GPATCH2: variants seen among roughly 807,000 people sequenced by gnomAD.
GPATCH2 encodes G-patch domain containing 2, also known as G patch domain-containing protein 2.
Under a neutral mutation model 58.0 loss-of-function variants are expected in GPATCH2, and 51 were observed. The ratio of observed to expected loss-of-function variants is 0.88; its 90% CI spans 0.70 to 1.11. The LOEUF (loss-of-function observed/expected upper bound fraction) is 1.11. GPATCH2 is among the 50% of genes most tolerant of loss of function. The probability of loss-of-function intolerance (pLI) is 0.00; values close to 1 mark genes in which losing one functional copy is unlikely to be tolerated. For missense variants in GPATCH2, 625 were observed against 652.2 expected (o/e 0.96, Z 0.45); for synonymous variants, 222 against 218.5 (o/e 1.02, Z -0.14).
At chr1:217,614,408 A>T (rs1359803289) in intron 2 of GPATCH2, among the ~76,000 whole-genome samples, 1 of 152,084 alleles carries the variant, frequency 6.6e-6, no homozygotes, top group Admixed American at 6.6e-5. Flanking sequence ...ATAAAACCAC[A>T]GGAATCTAAT....
chr1:217,428,806 A>G lies in GPATCH2; in HGVS notation c.*2339T>C, dbSNP rs1323794174. 1.3e-5 allele frequency: 2 copies of G among 152,234 alleles called. No homozygotes were observed. The highest frequency in any genetic ancestry group is 4.8e-5 in the African/African-American group (2 of 41,450). 9.4% of individuals were successfully genotyped at this position (152,234 alleles called of 1,614,324 possible). ...GTTAGAGAAGCTAAGTTAACATCCC[A>G]CAGAAGTTGCTTCAGAAGATTTGTA... On this transcript the variant is annotated 3_prime_UTR_variant, in exon 10 of 10. Coordinates refer to ENST00000366935, the MANE Select transcript of GPATCH2 (RefSeq NM_018040.5).
At chr1:217,494,030 T>G (rs972267250) in intron 7 of GPATCH2, among the ~76,000 whole-genome samples, 59 of 152,300 alleles carry the variant, frequency 3.9e-4, no homozygotes, top group Non-Finnish European at 7.1e-4. Flanking sequence ...AACATTAGGT[T>G]GTATCTACTA....
At chr1:217,548,267 G>A (rs931884247) in intron 5 of GPATCH2, among the ~76,000 whole-genome samples, 2 of 152,056 alleles carry the variant, frequency 1.3e-5, no homozygotes, top group South Asian at 2.1e-4. Flanking sequence ...TGGAGGTTGT[G>A]GTGGGGGAAG....
intron 5 of GPATCH2, among the ~76,000 whole-genome samples, chr1:217,532,938 ACCCAGGCTGGAG>A (rs1664275170): frequency 3.1e-5 from 4 of 128,486 alleles, no homozygotes; most frequent in African/African-American, 6.2e-5. Context: ...TCCCTCTGGC[ACCCAGGCTGGAG>A]TGCAGTGGTG....
chr1:217,595,736 G>A (rs958602850), intron 5 of GPATCH2, among the ~76,000 whole-genome samples: 2 of 152,098 alleles, frequency 1.3e-5, no homozygotes, highest in African/African-American at 2.4e-5. Context: ...CTGACTTCAA[G>A]TGTTCCACGC....
chr1:217,521,980 A>G (rs1301777499), intron 5 of GPATCH2, among the ~76,000 whole-genome samples: 3 of 152,194 alleles, frequency 2.0e-5, no homozygotes, highest in South Asian at 2.1e-4. Flanking sequence ...CGATCTCACT[A>G]TATTTTTAAG....
At chr1:217,462,627 T>C (rs571425329) in intron 8 of GPATCH2, among the ~76,000 whole-genome samples, 4 of 152,338 alleles carry the variant, frequency 2.6e-5, no homozygotes, top group African/African-American at 9.6e-5. Context: ...CCTCATAGGG[T>C]AATACTGGAA....
In GPATCH2 at chr1:217,543,945, G is replaced by T. The variant is rs548194693; in HGVS notation, c.1099-29056C>A. Among the ~76,000 whole-genome samples, 4 of 152,180 alleles carry T rather than the reference G, an allele frequency of 2.6e-5. No homozygotes were observed. The South Asian group carries it at 8.3e-4, about 32-fold the overall frequency. On this transcript the variant is annotated intron_variant, in intron 5 of 9. Coordinates refer to ENST00000366935, the MANE Select transcript of GPATCH2 (RefSeq NM_018040.5). Reference sequence around the variant, plus strand: ...GGCTCGCTTGGCTAACAGTTGTATTGCTTCTGTAATGTGAATGGACTAGAA... The same window carrying T: ...GGCTCGCTTGGCTAACAGTTGTATTTCTTCTGTAATGTGAATGGACTAGAA...
intron 8 of GPATCH2, among the ~76,000 whole-genome samples, chr1:217,487,220 A>C (rs1661494842): frequency 6.6e-6 from 1 of 152,092 alleles, no homozygotes; most frequent in Non-Finnish European, 1.5e-5. Flanking sequence ...TTCTCTTTCT[A>C]AATTTCTGCT....
intron 5 of GPATCH2, among the ~76,000 whole-genome samples, chr1:217,584,219 C>T (rs1667213344): frequency 6.6e-6 from 1 of 151,030 alleles, no homozygotes; most frequent in South Asian, 2.1e-4. Flanking sequence ...TGTTCGAGGC[C>T]TCCCGCGGTG....
chr1:217,481,860 C>T (rs1254518057), intron 8 of GPATCH2, among the ~76,000 whole-genome samples: 1 of 151,912 alleles, frequency 6.6e-6, no homozygotes, highest in African/African-American at 2.4e-5. Context: ...GACCCTGCCT[C>T]AAAAAGCCCA....
At chr1:217,500,545 G>C (rs1360101675) in intron 6 of GPATCH2, among the ~76,000 whole-genome samples, 1 of 151,882 alleles carries the variant, frequency 6.6e-6, no homozygotes, top group African/African-American at 2.4e-5. Flanking sequence ...CCGCTTGTTT[G>C]TTTTCTTCTT....
chr1:217,461,023 T>C (rs1306457409), intron 8 of GPATCH2, among the ~76,000 whole-genome samples: 3 of 152,188 alleles, frequency 2.0e-5, no homozygotes, highest in African/African-American at 7.2e-5. Flanking sequence ...AGTAATATGG[T>C]AATGATAATG....
chr1:217,468,121 T>C (rs1195662480), intron 8 of GPATCH2, among the ~76,000 whole-genome samples: 1 of 152,238 alleles, frequency 6.6e-6, no homozygotes, highest in Non-Finnish European at 1.5e-5. Flanking sequence ...ACATGATCTG[T>C]ACCTTAAAGT....
At chr1:217,571,021 A>G (rs1323087044) in intron 5 of GPATCH2, among the ~76,000 whole-genome samples, 1 of 152,208 alleles carries the variant, frequency 6.6e-6, no homozygotes, top group African/African-American at 2.4e-5. Context: ...ATGGCAGCCT[A>G]CCAGGTGCTA....
At chr1:217,478,336 CAGACAGA>C (rs1661058031) in intron 8 of GPATCH2, among the ~76,000 whole-genome samples, 1 of 151,992 alleles carries the variant, frequency 6.6e-6, no homozygotes, top group Non-Finnish European at 1.5e-5. Flanking sequence ...CCTGGAGAAA[CAGACAGA>C]ACTCAAAATA....
At chr1:217,603,602 G>C (rs1302312816) in intron 5 of GPATCH2, among the ~76,000 whole-genome samples, 1 of 151,666 alleles carries the variant, frequency 6.6e-6, no homozygotes, top group Non-Finnish European at 1.5e-5. Context: ...CATCAAAATA[G>C]AGAATTTATT....
intron 5 of GPATCH2, among the ~76,000 whole-genome samples, chr1:217,576,846 T>C (rs1666827040): frequency 6.6e-6 from 1 of 152,142 alleles, no homozygotes; most frequent in South Asian, 2.1e-4. Context: ...TAAAGTGGAA[T>C]TAGATGGGTA....
intron 7 of GPATCH2, among the ~76,000 whole-genome samples, chr1:217,494,687 T>C (rs1041552524): frequency 6.6e-6 from 1 of 151,802 alleles, no homozygotes; most frequent in Admixed American, 6.6e-5. Flanking sequence ...GAGGTTGCAG[T>C]GAGCCGAGAT....
Sources: allele counts gnomAD v4.1 joint callset (sites outside exome capture counted in the v4.1 genomes callset), GRCh38; gene constraint gnomAD v4.1.1; transcripts MANE v1.5; gene names NCBI Gene and HGNC (gene_info 2026-07-23, HGNC 2026-07-21).